Variants in NDST4 observed in about 807,000 individuals in gnomAD.
NDST4 encodes the protein N-heparan sulfate sulfotransferase 4.
NDST4 carries 63 observed loss-of-function variants against 100.8 expected under a neutral mutation model. That is an observed-to-expected ratio of 0.62 (90% CI 0.51 to 0.77). The LOEUF (loss-of-function observed/expected upper bound fraction) is 0.77, where lower values mean the gene tolerates loss of function less well. Ranked by LOEUF, NDST4 falls within the 30% of genes least tolerant of loss-of-function variation. The pLI is 0.00. For synonymous variants in NDST4, 377 were observed against 361.8 expected (o/e 1.04, Z -0.48); for missense variants, 943 against 1,018.4 (o/e 0.93, Z 1.01).
chr4:114,986,485 G>A (rs575920260), intron 2 of NDST4, among the ~76,000 whole-genome samples: 78 of 152,010 alleles, frequency 5.1e-4, no homozygotes, highest in Non-Finnish European at 5.1e-4. Context: ...TGGCATTCTG[G>A]TTCTCTCCCT....
At chr4:114,884,217 G>A (rs1724430776) in intron 6 of NDST4, among the ~76,000 whole-genome samples, 1 of 152,018 alleles carries the variant, frequency 6.6e-6, no homozygotes, top group African/African-American at 2.4e-5. Context: ...CTCACATATT[G>A]AACTTAAACA....
rs377332504 is a variant in NDST4, at chr4:114,888,101, G to C, written c.1537-17151C>G. ...GGCCTGCAATCCCAGCTACTCAGGA[G>C]GCTGAGGCAGGAGAATCACTTGAAC... On this transcript the variant is annotated intron_variant, in intron 6 of 13. Transcript: ENST00000264363. Among the ~76,000 whole-genome samples, 8 of 152,198 alleles carry C rather than the reference G, an allele frequency of 5.3e-5. No individual in the cohort carries two copies. The East Asian group carries it at 1.2e-3, about 22-fold the overall frequency.
At chr4:115,021,378 TATTCCATATATATAC>T (rs1049199749) in intron 2 of NDST4, among the ~76,000 whole-genome samples, 1 of 148,760 alleles carries the variant, frequency 6.7e-6, no homozygotes, top group Non-Finnish European at 1.5e-5. Context: ...TCCATATATA[TATTCCATATATATAC>T]ATTCCATATA....
At chr4:114,890,603 C>G (rs1385980126) in intron 6 of NDST4, among the ~76,000 whole-genome samples, 2 of 152,006 alleles carry the variant, frequency 1.3e-5, no homozygotes, top group Admixed American at 1.3e-4. Flanking sequence ...CAGTGCTAAG[C>G]AATAGTTAGA....
chr4:114,846,480 G>C (rs74765926), intron 9 of NDST4, among the ~76,000 whole-genome samples: 7 of 152,048 alleles, frequency 4.6e-5, no homozygotes, highest in Non-Finnish European at 8.8e-5. Context: ...AGGGCATGGC[G>C]GTTCTCTTCC....
At position 114,956,813 on chromosome 4, in the gene NDST4, A is replaced by G. The variant is rs565671106; in HGVS notation, c.1221+13617T>C. ...AAAAAATAACTAAATGGCAACAAAAATACATCCTTAACATGGAGGGAAGGG... is the reference window on the plus strand; with the variant it reads ...AAAAAATAACTAAATGGCAACAAAAGTACATCCTTAACATGGAGGGAAGGG... On this transcript the variant is annotated intron_variant, in intron 4 of 13. Transcript: ENST00000264363. Among the ~76,000 whole-genome samples the G allele has an allele frequency of 7.0e-4, 106 of 152,294 alleles. 1 individual carries two copies. Among genetic ancestry groups the G allele is most frequent in the East Asian group, 5.8e-4 (3 of 5,172 alleles).
intron 1 of NDST4, 32 bp downstream of exon 1, chr4:115,113,412 C>T (rs138522265): frequency 6.6e-6 from 1 of 152,072 alleles, no homozygotes; most frequent in Non-Finnish European, 1.5e-5. Context: ...ATGATACACA[C>T]CTCGATTTCA....
intron 7 of NDST4, among the ~76,000 whole-genome samples, chr4:114,858,005 G>A (rs915282243): frequency 1.3e-5 from 2 of 152,136 alleles, no homozygotes; most frequent in African/African-American, 4.8e-5. Context: ...ACATTCCTAC[G>A]TGTTGCCTAA....
At chr4:114,973,535 T>A (rs191617484) in intron 3 of NDST4, among the ~76,000 whole-genome samples, 2,631 of 150,130 alleles carry the variant, frequency 0.018, 81 homozygotes, top group African/African-American at 0.061. Flanking sequence ...CTTATTAAAA[T>A]TTTTTTTTTA....
At chr4:114,960,768 T>C (rs775940193) in intron 4 of NDST4, among the ~76,000 whole-genome samples, 121 of 152,158 alleles carry the variant, frequency 8.0e-4, no homozygotes, top group Non-Finnish European at 6.3e-4. Context: ...AAAAGCCATA[T>C]TGAAGTAAGG....
At chr4:115,005,254 GAGACAGTCTAT>G (rs1382193187) in intron 2 of NDST4, among the ~76,000 whole-genome samples, 1 of 152,100 alleles carries the variant, frequency 6.6e-6, no homozygotes, top group African/African-American at 2.4e-5. Context: ...TTAAACAGAG[GAGACAGTCTAT>G]AGACCTAATA....
chr4:115,034,912 C>A lies in NDST4; in HGVS notation c.978+41147G>T, dbSNP rs139984031. On this transcript the variant is annotated intron_variant, in intron 2 of 13. Coordinates refer to ENST00000264363, the MANE Select transcript of NDST4 (RefSeq NM_022569.3). ...ATTGTATTGCAATCTGAAACTCTTC[C>A]TATCTATCCTCCTTTCTTCTTCCTC... Among the ~76,000 whole-genome samples the A allele has an allele frequency of 2.3e-3, 347 of 152,192 alleles. 1 individual carries two copies. The highest frequency in any genetic ancestry group is 8.0e-3 in the African/African-American group (334 of 41,544).
chr4:114,963,730 A>G (rs909188346), intron 4 of NDST4, among the ~76,000 whole-genome samples: 2 of 152,224 alleles, frequency 1.3e-5, no homozygotes, highest in South Asian at 4.1e-4. Context: ...GAAAGGTAAT[A>G]GATGAATTCA....
At chr4:114,967,297 C>T (rs1560834983) in intron 4 of NDST4, among the ~76,000 whole-genome samples, 2 of 151,934 alleles carry the variant, frequency 1.3e-5, no homozygotes, top group East Asian at 3.9e-4. Flanking sequence ...TCATTTTAGT[C>T]GTAATATTTG....
intron 1 of NDST4, among the ~76,000 whole-genome samples, chr4:115,107,156 A>G (rs1468657950): frequency 6.6e-6 from 1 of 152,040 alleles, no homozygotes; most frequent in Non-Finnish European, 1.5e-5. Flanking sequence ...GCAAGAGCCT[A>G]TCTCTAAATA....
In NDST4 at chr4:115,088,319, A is replaced by ATT. The variant is rs758614668; in HGVS notation, c.-246-11038_-246-11037insAA. Among the ~76,000 whole-genome samples the ATT allele has an allele frequency of 3.4e-3, 464 of 135,076 alleles. 5 individuals are homozygous for ATT. The East Asian group carries it at 0.035, about 10-fold the overall frequency. The allele number at this position is 135,076 out of a possible 152,430, so 88.6% of individuals were successfully genotyped here. A position where few individuals can be genotyped will look rare whatever the true frequency, so the allele number is the denominator to read the frequency against. On this transcript the variant is annotated intron_variant, in intron 1 of 13. Coordinates refer to ENST00000264363, the MANE Select transcript of NDST4 (RefSeq NM_022569.3). Reference sequence around the variant, plus strand: ...GATAATGTATATCTCTTCTAAAGTTAATTTTTTTTTTTTTGCCTCCACCTA... The same window carrying ATT: ...GATAATGTATATCTCTTCTAAAGTTATTATTTTTTTTTTTTTGCCTCCACCTA...
At chr4:115,019,471 AG>A (rs1727760859) in intron 2 of NDST4, among the ~76,000 whole-genome samples, 1 of 152,108 alleles carries the variant, frequency 6.6e-6, no homozygotes, top group East Asian at 1.9e-4. Flanking sequence ...ACTTGCCATA[AG>A]GAAGAGACCT....
At position 114,892,549 on chromosome 4, in the gene NDST4, T is replaced by A. The variant is rs1039965764; in HGVS notation, c.1537-21599A>T. Among the ~76,000 whole-genome samples the A allele has an allele frequency of 3.3e-5, 5 of 152,088 alleles. No homozygotes were observed. In the South Asian group the frequency reaches 8.3e-4, roughly 25 times the overall value. On this transcript the variant is annotated intron_variant, in intron 6 of 13. Transcript: ENST00000264363. ...TTATTTCACATCCCTACCACTTAAG[T>A]TTTTACCATAATACAAGCAAACTAT... is the stretch of plus-strand genomic sequence containing the variant.
chr4:115,025,113 G>A (rs966352535), intron 2 of NDST4, among the ~76,000 whole-genome samples: 1 of 92,186 alleles, frequency 1.1e-5, no homozygotes, highest in Non-Finnish European at 2.4e-5. Context: ...ACCGAGTCTT[G>A]TTATTCTGTA....
Sources: gnomAD v4.1 joint callset for allele counts (sites outside exome capture counted in the v4.1 genomes callset) on GRCh38, gnomAD v4.1.1 for gene constraint, MANE v1.5 for transcripts, NCBI Gene and HGNC (gene_info 2026-07-23, HGNC 2026-07-21) for gene names.